The following SNTB2 variants were observed in gnomAD, a reference collection of about 807,000 sequenced individuals.
SNTB2 encodes beta-2-syntrophin.
In SNTB2, 34 loss-of-function variants were observed where a neutral mutation model predicts 46.2. The observed-to-expected ratio is 0.74, with a 90% confidence interval of 0.56 to 0.98. The LOEUF (loss-of-function observed/expected upper bound fraction) is 0.98, where lower values mean the gene tolerates loss of function less well. SNTB2 is among the 50% of genes least tolerant of loss of function. The pLI is 0.00. For missense variants in SNTB2, 603 were observed against 731.4 expected, an observed-to-expected ratio of 0.82 and a Z score of 2.02; for synonymous variants, 290 against 312.6, an observed-to-expected ratio of 0.93 and a Z score of 0.76.
intron 6 of SNTB2, among the ~76,000 whole-genome samples, chr16:69,300,274 G>A (rs112146240): frequency 0.01 from 1,543 of 149,462 alleles, 8 homozygotes; most frequent in Non-Finnish European, 0.015. Context: ...TTTTTGAGAC[G>A]GAGTCTCGCT....
At chr16:69,251,306 C>T (rs555559754) in intron 2 of SNTB2, among the ~76,000 whole-genome samples, 26 of 151,332 alleles carry the variant, frequency 1.7e-4, no homozygotes, top group African/African-American at 6.0e-4. Flanking sequence ...TTGATAGTCA[C>T]TTGAACAATT....
At chr16:69,248,055 C>T (rs1294400996) in intron 2 of SNTB2, among the ~76,000 whole-genome samples, 1 of 152,144 alleles carries the variant, frequency 6.6e-6, no homozygotes, top group African/African-American at 2.4e-5. Flanking sequence ...CCCAAGAGTT[C>T]AAGGCTGCAG....
intron 1 of SNTB2, among the ~76,000 whole-genome samples, chr16:69,194,540 TG>T (rs1783982151): frequency 6.6e-6 from 1 of 152,224 alleles, no homozygotes; most frequent in Non-Finnish European, 1.5e-5. Flanking sequence ...TTAAATCCTC[TG>T]GGATTTTGAT....
chr16:69,211,594 C>T (rs1475328079), intron 1 of SNTB2, among the ~76,000 whole-genome samples: 1 of 151,184 alleles, frequency 6.6e-6, no homozygotes, highest in Non-Finnish European at 1.5e-5. Flanking sequence ...AAAATATTTC[C>T]TATGTGCCTT....
chr16:69,253,055 AC>A (rs1964740933), intron 2 of SNTB2, among the ~76,000 whole-genome samples: 1 of 151,584 alleles, frequency 6.6e-6, no homozygotes, highest in Non-Finnish European at 1.5e-5. Flanking sequence ...GCCTGCCACC[AC>A]GCCCAGCTAA....
chr16:69,187,340 G>A lies in SNTB2; in HGVS notation c.174G>A (p.Glu58=). Residue 58 remains glutamate (E), a synonymous_variant, in exon 1 of 7, where the codon GAG becomes GAA. Transcript: ENST00000336278. ...TGACGGGCGACGCCGCCGCGGCCGA[G>A]CTGGAGCCCGCTCTGGGACCCGCGG... is the stretch of plus-strand genomic sequence containing the variant. The part of the protein sequence containing the change: ...LSLTGDAAAA[E]LEPALGPAAA... 2 of 1,438,882 alleles carry A rather than the reference G, an allele frequency of 1.4e-6. No homozygotes were observed. The highest frequency in any genetic ancestry group is 3.0e-5 in the East Asian group (1 of 33,260). 89.1% of individuals were successfully genotyped at this position (1,438,882 alleles called of 1,614,324 possible).
chr16:69,190,460 G>A (rs1384107790), intron 1 of SNTB2, among the ~76,000 whole-genome samples: 13 of 152,236 alleles, frequency 8.5e-5, no homozygotes, highest in Non-Finnish European at 1.9e-4. Context: ...GGCACTTGAA[G>A]ATACCTGATT....
intron 1 of SNTB2, among the ~76,000 whole-genome samples, chr16:69,224,497 C>G (rs1387875863): frequency 1.3e-5 from 2 of 152,180 alleles, no homozygotes. Context: ...AGGCGTGAGC[C>G]ACTGTTTCCT....
chr16:69,258,425 T>A (rs1472177908), intron 2 of SNTB2, among the ~76,000 whole-genome samples: 1 of 152,078 alleles, frequency 6.6e-6, no homozygotes, highest in Non-Finnish European at 1.5e-5. Context: ...TTAGCTATTT[T>A]CTAAAGGTTA....
chr16:69,272,624 G>C (rs1483868205), intron 4 of SNTB2, among the ~76,000 whole-genome samples: 4 of 151,524 alleles, frequency 2.6e-5, no homozygotes, highest in African/African-American at 9.7e-5. Flanking sequence ...GGGCGCAGTG[G>C]CTCACGCCTG....
rs149551190 is a variant in SNTB2, at chr16:69,255,570, A to G, written c.795-4480A>G. On this transcript the variant is annotated intron_variant, in intron 2 of 6. Coordinates refer to ENST00000336278, the MANE Select transcript of SNTB2 (RefSeq NM_006750.4). ...GCCAGACTCCGTCTTAAAAAAAAAA[A>G]AAAGAAAGAAAGAAAAATTTTTTGT... Among the ~76,000 whole-genome samples the G allele has an allele frequency of 1.6e-3, 230 of 145,184 alleles. 1 individual carries two copies. In the East Asian group the frequency reaches 0.02, roughly 12 times the overall value.
chr16:69,220,335 G>T (rs949148969), intron 1 of SNTB2, among the ~76,000 whole-genome samples: 2 of 149,688 alleles, frequency 1.3e-5, no homozygotes, highest in African/African-American at 2.5e-5. Flanking sequence ...CTAATTTTTT[G>T]TATTTTTAGT....
intron 2 of SNTB2, among the ~76,000 whole-genome samples, chr16:69,248,870 T>C (rs1964697024): frequency 8.4e-6 from 1 of 119,260 alleles, no homozygotes; most frequent in East Asian, 2.2e-4. Flanking sequence ...AATCATGGGC[T>C]TTTTTTTTTT....
chr16:69,237,740 T>C (rs992298066), intron 1 of SNTB2, among the ~76,000 whole-genome samples: 3 of 151,892 alleles, frequency 2.0e-5, no homozygotes, highest in African/African-American at 4.8e-5. Flanking sequence ...GTAGCTGGGA[T>C]TACAGGCATG....
At chr16:69,198,777 A>C (rs1291142880) in intron 1 of SNTB2, among the ~76,000 whole-genome samples, 1 of 152,228 alleles carries the variant, frequency 6.6e-6, no homozygotes, top group Non-Finnish European at 1.5e-5. Context: ...TACCTATTAA[A>C]AATAAGATCC....
chr16:69,283,431 C>T (rs72795265), intron 4 of SNTB2, among the ~76,000 whole-genome samples: 4,079 of 152,100 alleles, frequency 0.027, 71 homozygotes, highest in Non-Finnish European at 0.043. Context: ...AGATAAAACC[C>T]GACTTTATGT....
At chr16:69,205,945 T>C (rs1964212299) in intron 1 of SNTB2, among the ~76,000 whole-genome samples, 1 of 152,176 alleles carries the variant, frequency 6.6e-6, no homozygotes, top group Non-Finnish European at 1.5e-5. Flanking sequence ...CTCAGCTATG[T>C]GCTTGTTAGG....
chr16:69,272,234 G>A (rs187103052), intron 4 of SNTB2, among the ~76,000 whole-genome samples: 26 of 152,230 alleles, frequency 1.7e-4, no homozygotes, highest in Admixed American at 1.2e-3. Context: ...GACGAGACTT[G>A]TATCTAGAAA....
At chr16:69,219,494 A>G (rs911334251) in intron 1 of SNTB2, among the ~76,000 whole-genome samples, 1 of 152,242 alleles carries the variant, frequency 6.6e-6, no homozygotes, top group Non-Finnish European at 1.5e-5. Flanking sequence ...GTTAATAGTC[A>G]TTACTACACA....
Sources: gnomAD v4.1 joint callset for allele counts (sites outside exome capture counted in the v4.1 genomes callset) on GRCh38, gnomAD v4.1.1 for gene constraint, MANE v1.5 for transcripts, NCBI Gene and HGNC (gene_info 2026-07-23, HGNC 2026-07-21) for gene names.